The following ADPRHL1 variants were observed in gnomAD, a reference collection of about 807,000 sequenced individuals.
The protein encoded by ADPRHL1 is inactive ADP-ribosyltransferase ARH2.
In ADPRHL1, 43 loss-of-function variants were observed where a neutral mutation model predicts 44.1. That is an observed-to-expected ratio of 0.98 (90% CI 0.76 to 1.26). The LOEUF is 1.26. Ranked by LOEUF, ADPRHL1 falls within the 50% of genes most tolerant of loss-of-function variation. The pLI, the probability that ADPRHL1 is intolerant of heterozygous loss-of-function variation, is 0.00. For missense variants in ADPRHL1, 2,022 were observed against 2,496.9 expected (o/e 0.81, Z 4.05); for synonymous variants, 878 against 1,017.4 (o/e 0.86, Z 2.61).
intron 1 of ADPRHL1, among the ~76,000 whole-genome samples, chr13:113,451,813 A>G (rs144088365): frequency 6.6e-6 from 1 of 151,988 alleles, no homozygotes; most frequent in African/African-American, 2.4e-5. Context: ...GTCTCAAAAA[A>G]CAAACAAAAA....
At chr13:113,450,961 C>A (rs997672221) in intron 1 of ADPRHL1, among the ~76,000 whole-genome samples, 20 of 150,882 alleles carry the variant, frequency 1.3e-4, no homozygotes, top group Admixed American at 7.9e-4. Context: ...GACCCCCCCC[C>A]CCTTCCTGGT....
chr13:113,413,124 T>G (rs9549776), intron 7 of ADPRHL1, among the ~76,000 whole-genome samples: 43,053 of 64,986 alleles, frequency 0.66, 14,654 homozygotes, highest in African/African-American at 0.83. Context: ...CGCCAACAGC[T>G]CCTCGCAGAG....
intron 7 of ADPRHL1, among the ~76,000 whole-genome samples, chr13:113,421,439 C>A (rs1435088490): frequency 6.6e-6 from 1 of 151,718 alleles, no homozygotes; most frequent in Non-Finnish European, 1.5e-5. Flanking sequence ...CACCCCCATC[C>A]CTGGGACACG....
chr13:113,404,353 C>A lies in ADPRHL1; in HGVS notation c.4929G>T (p.Gln1643His). The change falls in exon 8 of 8, where the codon CAG becomes CAT. Residue 1643 changes from glutamine (Q) to histidine (H), a missense_variant. Physicochemically the swap from Gln to His is conservative, Grantham distance 24. Transcript: ENST00000612156. Reference sequence around the variant, plus strand: ...CCCGTTCCTGAGCCCCTTTCTGGGCCTGACCCTGAACCCGTTCCTGAGCCC... The same window carrying A: ...CCCGTTCCTGAGCCCCTTTCTGGGCATGACCCTGAACCCGTTCCTGAGCCC... ...QKGAQERVQG[Q>H]AQKGAQERAQ... is the part of the protein sequence containing the mutation. 7.5e-7 allele frequency: 1 copy of A among 1,334,072 alleles called. No individual in the cohort carries two copies. The highest frequency in any genetic ancestry group is 2.2e-5 in the South Asian group (1 of 45,828). The allele number at this position is 1,334,072 out of a possible 1,614,324, so 82.6% of individuals were successfully genotyped here.
At position 113,407,797 on chromosome 13, in the gene ADPRHL1, G is replaced by A. The variant is rs2043820440; in HGVS notation, c.1485C>T (p.His495=). The part of the protein sequence containing the change: ...PCLSEKPRWG[H]PAGKSTVKNI... Reference sequence around the variant, plus strand: ...TTTTCACGGTGCTCTTCCCGGCCGGGTGGCCCCAGCGGGGCTTCTCGCTGA... The same window carrying A: ...TTTTCACGGTGCTCTTCCCGGCCGGATGGCCCCAGCGGGGCTTCTCGCTGA... Residue 495 remains histidine, a synonymous_variant, in exon 8 of 8, where the codon CAC becomes CAT. Coordinates refer to ENST00000612156, the MANE Select transcript of ADPRHL1 (RefSeq NM_001394807.1). 1 of 1,232,032 alleles carries A rather than the reference G, an allele frequency of 8.1e-7. No individual in the cohort carries two copies. Among genetic ancestry groups the A allele is most frequent in the South Asian group, 4.1e-5 (1 of 24,322 alleles). The allele number at this position is 1,232,032 out of a possible 1,614,324, so 76.3% of individuals were successfully genotyped here.
chr13:113,421,901 C>G (rs1053387096), intron 7 of ADPRHL1: 6 of 152,220 alleles, frequency 3.9e-5, no homozygotes, highest in African/African-American at 1.4e-4. Flanking sequence ...GAAATCACAA[C>G]AAAAAGAGAG....
rs780750444 is a variant in ADPRHL1 at position 113,444,574 on chromosome 13, T to C, written c.230A>G (p.Asp77Gly). 1 of 1,614,012 alleles carries C rather than the reference T, an allele frequency of 6.2e-7. No homozygotes were observed. Among genetic ancestry groups the C allele is most frequent in the Non-Finnish European group, 8.5e-7 (1 of 1,179,966 alleles). The change falls in exon 2 of 8, where the codon GAT (aspartate) becomes GGT (glycine). Residue 77 changes from aspartate (D) to glycine (G), a missense_variant. By Grantham distance (94) the Asp-to-Gly change is moderately conservative. Coordinates refer to ENST00000612156, the MANE Select transcript of ADPRHL1 (RefSeq NM_001394807.1). ...TCTCACCATCTCCCGGTACAGATCATCCAGGCACCAGTAGTCTGCGGAAGA... is the reference window on the plus strand; with the variant it reads ...TCTCACCATCTCCCGGTACAGATCACCCAGGCACCAGTAGTCTGCGGAAGA... ...EALTTDYWCL[D>G]DLYREMVRCY...
At chr13:113,435,443 G>T (rs1356544956) in intron 2 of ADPRHL1, among the ~76,000 whole-genome samples, 1 of 118,928 alleles carries the variant, frequency 8.4e-6, no homozygotes. Context: ...CCAGCACCCA[G>T]GTGTAGAGTG....
Position 113,405,381 on chromosome 13 carries a change from C to T in ADPRHL1, c.3901G>A (p.Gly1301Ser), listed in dbSNP as rs534990891. The T allele has an allele frequency of 1.3e-5, 16 of 1,231,904 alleles. 1 individual carries two copies. The South Asian group carries it at 4.5e-4, about 35-fold the overall frequency. The allele number at this position is 1,231,904 out of a possible 1,614,324, so 76.3% of individuals were successfully genotyped here. A position where few individuals can be genotyped will look rare whatever the true frequency, so the allele number is the denominator to read the frequency against. The change falls in exon 8 of 8, where the codon GGC becomes AGC. Residue 1301 changes from glycine (G) to serine (S), a missense_variant. This residue lies in a region of ADPRHL1 where 1,221 missense variants were observed against 1,517.8 expected (regional missense o/e 0.80). Coordinates refer to ENST00000612156, the MANE Select transcript of ADPRHL1 (RefSeq NM_001394807.1). ...PENPQAKGRE[G>S]VRFPRGAEPD... is the part of the protein sequence containing the mutation. The stretch of plus-strand genomic sequence containing the variant: ...TCCGCCCCACGGGGAAACCTGACGC[C>T]CTCCCTGCCCTTTGCCTGTGGGTTC...
At chr13:113,426,112 C>T (rs1227111223) in intron 4 of ADPRHL1, among the ~76,000 whole-genome samples, 1 of 124,018 alleles carries the variant, frequency 8.1e-6, no homozygotes, top group Non-Finnish European at 1.7e-5. Context: ...AAATCCAAGC[C>T]CCTGAATGCT....
chr13:113,449,916 C>T (rs1197693299), intron 1 of ADPRHL1, among the ~76,000 whole-genome samples: 2 of 152,174 alleles, frequency 1.3e-5, no homozygotes, highest in Non-Finnish European at 2.9e-5. Flanking sequence ...ACTCGCTGGG[C>T]TGTGTGGCAC....
At chr13:113,415,750 C>CAAAAAAAAAAAAAAAAAAA (rs71214119) in intron 7 of ADPRHL1, among the ~76,000 whole-genome samples, 1 of 63,044 alleles carries the variant, frequency 1.6e-5, no homozygotes, top group Non-Finnish European at 3.0e-5. Flanking sequence ...GACTCCATCT[C>CAAAAAAAAAAAAAAAAAAA]AAAAAAAAAA....
At chr13:113,426,451 G>A (rs2043969177) in intron 4 of ADPRHL1, among the ~76,000 whole-genome samples, 1 of 152,244 alleles carries the variant, frequency 6.6e-6, no homozygotes, top group African/African-American at 2.4e-5. Flanking sequence ...GCCTGGCCGT[G>A]GTTGGAGAGC....
rs765873036 is a variant in ADPRHL1 at position 113,404,970 on chromosome 13, G to A, written c.4312C>T (p.Arg1438Cys). Residue 1438 changes from arginine to cysteine, a missense_variant, in exon 8 of 8, where the codon CGC becomes TGC. By Grantham distance (180) the Arg-to-Cys change is radical (BLOSUM62 -3). Around this residue, in one of 8 missense-constraint regions of ADPRHL1, gnomAD observed 1,221 missense variants for 1,517.8 expected, o/e 0.80. Coordinates refer to ENST00000612156, the MANE Select transcript of ADPRHL1 (RefSeq NM_001394807.1). ...AGATGCTGCTGACCTTGGTCACTGC[G>A]CTGGCAGGCGCCCCCAACCCCAATG... ...MAIGVGGACQ[R>C]SDQGQQHLQG... The A allele has an allele frequency of 2.8e-5, 34 of 1,235,058 alleles. No individual in the cohort carries two copies. The highest frequency in any genetic ancestry group is 8.0e-5 in the South Asian group (2 of 24,898). 76.5% of individuals were successfully genotyped at this position (1,235,058 alleles called of 1,614,324 possible). A position where few individuals can be genotyped will look rare whatever the true frequency, so the allele number is the denominator to read the frequency against.
intron 7 of ADPRHL1, among the ~76,000 whole-genome samples, chr13:113,412,333 A>G (rs1021759740): frequency 6.6e-6 from 1 of 151,872 alleles, no homozygotes; most frequent in South Asian, 2.1e-4. Context: ...GCCCGCCACC[A>G]CGCCCGGCTA....
intron 7 of ADPRHL1, among the ~76,000 whole-genome samples, chr13:113,412,807 GCACCCCGCAGAA>G (rs1566467687): frequency 5.6e-5 from 5 of 88,514 alleles, no homozygotes; most frequent in African/African-American, 1.8e-4. Flanking sequence ...ACCGCCAACA[GCACCCCGCAGAA>G]CTCGGTTCAC....
intron 2 of ADPRHL1, among the ~76,000 whole-genome samples, chr13:113,442,281 C>G (rs1337446942): frequency 6.6e-6 from 1 of 152,136 alleles, no homozygotes; most frequent in Non-Finnish European, 1.5e-5. Flanking sequence ...AAAGTGAGAT[C>G]CTCTCTCTAC....
In ADPRHL1 at chr13:113,403,496, C is replaced by T; in HGVS notation, c.5786G>A (p.Gly1929Glu). ...GTACTTGGCCAGGTGCCTGGACCTC[C>T]CGCGACGCTCGGGCTCCGATGCCTC... ...RMEASEPERR[G>E]RSRHLAKYKA... Residue 1929 changes from glycine (G) to glutamate (E), a missense_variant, in exon 8 of 8, where the codon GGG becomes GAG. By Grantham distance (98) the Gly-to-Glu change is moderately conservative. Around this residue, in one of 8 missense-constraint regions of ADPRHL1, gnomAD observed 205 missense variants for 250.1 expected, o/e 0.82. Coordinates refer to ENST00000612156, the MANE Select transcript of ADPRHL1 (RefSeq NM_001394807.1). The T allele has an allele frequency of 8.1e-7, 1 of 1,232,092 alleles. No homozygotes were observed. The highest frequency in any genetic ancestry group is 1.0e-6 in the Non-Finnish European group (1 of 988,040). The allele number at this position is 1,232,092 out of a possible 1,614,324, so 76.3% of individuals were successfully genotyped here.
intron 7 of ADPRHL1, among the ~76,000 whole-genome samples, chr13:113,421,318 C>CA (rs1159567766): frequency 8.9e-6 from 1 of 111,836 alleles, no homozygotes; most frequent in Non-Finnish European, 1.9e-5. Flanking sequence ...GACACGCCCA[C>CA]CCCGGGACAC....
Sources: gnomAD v4.1 joint callset for allele counts (sites outside exome capture counted in the v4.1 genomes callset) on GRCh38, gnomAD v4.1.1 for gene constraint, gnomAD v4.1.1 regional missense constraint, MANE v1.5 for transcripts, NCBI Gene and HGNC (gene_info 2026-07-23, HGNC 2026-07-21) for gene names.